The following SCMH1 variants were observed in gnomAD, a reference collection of about 807,000 sequenced individuals.
The protein encoded by SCMH1 is polycomb protein SCMH1.
Under a neutral mutation model 70.8 loss-of-function variants are expected in SCMH1, and 37 were observed. That is an observed-to-expected ratio of 0.52 (90% CI 0.40 to 0.69). The LOEUF (loss-of-function observed/expected upper bound fraction) is 0.69, where lower values mean the gene tolerates loss of function less well. Ranked by LOEUF, SCMH1 falls within the 30% of genes least tolerant of loss-of-function variation. The probability of loss-of-function intolerance (pLI) is 0.00; values close to 1 mark genes in which losing one functional copy is unlikely to be tolerated. For missense variants in SCMH1, 607 were observed against 827.3 expected, an observed-to-expected ratio of 0.73 and a Z score of 3.27; for synonymous variants, 292 against 307.4, an observed-to-expected ratio of 0.95 and a Z score of 0.52.
chr1:41,148,736 T>A (rs113281152), intron 5 of SCMH1, among the ~76,000 whole-genome samples: 12 of 152,262 alleles, frequency 7.9e-5, no homozygotes, highest in Admixed American at 2.0e-4. Context: ...TTTCTTCTAT[T>A]ATCTTTGGGA....
At chr1:41,170,641 A>G (rs1646727596) in intron 2 of SCMH1, among the ~76,000 whole-genome samples, 2 of 151,946 alleles carry the variant, frequency 1.3e-5, no homozygotes, top group African/African-American at 4.8e-5. Context: ...AATAAACAAA[A>G]CCTCATATCC....
chr1:41,057,999 G>A (rs972603563), intron 10 of SCMH1, among the ~76,000 whole-genome samples: 56 of 151,784 alleles, frequency 3.7e-4, no homozygotes, highest in African/African-American at 1.3e-3. Context: ...GCGTGCGCCT[G>A]TAGTCCCAGC....
intron 6 of SCMH1, among the ~76,000 whole-genome samples, chr1:41,128,643 A>G (rs1348113236): frequency 1.3e-5 from 2 of 151,912 alleles, no homozygotes; most frequent in Admixed American, 6.6e-5. Context: ...GGTTTATTTC[A>G]TATTTCTCCT....
intron 1 of SCMH1, among the ~76,000 whole-genome samples, chr1:41,194,241 G>GT (rs1360910540): frequency 5.9e-5 from 9 of 152,092 alleles, no homozygotes; most frequent in Admixed American, 5.9e-4. Context: ...CATTTGCTCT[G>GT]TTTTTTGTGA....
intron 1 of SCMH1, among the ~76,000 whole-genome samples, chr1:41,221,480 C>T (rs1659249851): frequency 6.7e-6 from 1 of 148,818 alleles, no homozygotes; most frequent in Admixed American, 6.7e-5. Context: ...TAGCAAGATA[C>T]CATTTCTACA....
intron 2 of SCMH1, among the ~76,000 whole-genome samples, chr1:41,167,440 C>T (rs1646482372): frequency 1.3e-5 from 2 of 152,106 alleles, no homozygotes; most frequent in South Asian, 4.1e-4. Context: ...TTGAAAAGGA[C>T]TGGTATTGGT....
At chr1:41,107,739 C>T (rs1004414215) in intron 8 of SCMH1, among the ~76,000 whole-genome samples, 3 of 152,102 alleles carry the variant, frequency 2.0e-5, no homozygotes, top group Non-Finnish European at 2.9e-5. Flanking sequence ...AGGATGGTCT[C>T]GATCTCTTGA....
intron 1 of SCMH1, among the ~76,000 whole-genome samples, chr1:41,190,953 C>A (rs190450105): frequency 6.6e-6 from 1 of 152,322 alleles, no homozygotes. Flanking sequence ...TAGTTCACTG[C>A]AGCCTCAAAC....
At chr1:41,122,998 T>C (rs1367509755) in intron 6 of SCMH1, among the ~76,000 whole-genome samples, 1 of 152,060 alleles carries the variant, frequency 6.6e-6, no homozygotes, top group Non-Finnish European at 1.5e-5. Context: ...CGCAGGAGGA[T>C]CACTTCAGCC....
At chr1:41,232,827 AAC>A (rs1302520486) in intron 1 of SCMH1, among the ~76,000 whole-genome samples, 1 of 152,228 alleles carries the variant, frequency 6.6e-6, no homozygotes, top group Non-Finnish European at 1.5e-5. Context: ...TAAACAAACA[AAC>A]ACAGAAGATG....
At chr1:41,116,334 T>G (rs213765) in intron 7 of SCMH1, among the ~76,000 whole-genome samples, 115,292 of 152,178 alleles carry the variant, frequency 0.76, 44,371 homozygotes, top group African/African-American at 0.89. Flanking sequence ...AAAATTCAAC[T>G]GATAGACTCA....
intron 8 of SCMH1, among the ~76,000 whole-genome samples, chr1:41,087,519 GA>G (rs145525916): frequency 6.2e-4 from 89 of 144,122 alleles, no homozygotes; most frequent in Middle Eastern, 7.1e-3. Context: ...ACCTGTAAAA[GA>G]AAAAAAAAAG....
chr1:41,056,828 A>AG (rs1339299398), intron 10 of SCMH1, among the ~76,000 whole-genome samples: 1 of 152,214 alleles, frequency 6.6e-6, no homozygotes, highest in Admixed American at 6.5e-5. Flanking sequence ...TTTTGCCTCC[A>AG]GGAGCTCAAC....
chr1:41,031,132 T>TA (rs1429870676), intron 13 of SCMH1, among the ~76,000 whole-genome samples: 1 of 151,762 alleles, frequency 6.6e-6, no homozygotes, highest in Non-Finnish European at 1.5e-5. Flanking sequence ...ACAAAACAAG[T>TA]AAAAAAATCA....
intron 10 of SCMH1, among the ~76,000 whole-genome samples, chr1:41,055,966 G>C (rs967046920): frequency 1.3e-5 from 2 of 152,196 alleles, no homozygotes; most frequent in African/African-American, 4.8e-5. Context: ...TGGAAAAAAT[G>C]TTAATAATCC....
At chr1:41,065,237 C>T (rs1654181451) in intron 10 of SCMH1, among the ~76,000 whole-genome samples, 1 of 152,044 alleles carries the variant, frequency 6.6e-6, no homozygotes, top group Non-Finnish European at 1.5e-5. Flanking sequence ...AATCCCAGCA[C>T]TTTGGGAGAT....
intron 2 of SCMH1, among the ~76,000 whole-genome samples, chr1:41,162,289 G>C (rs1010066986): frequency 6.6e-6 from 1 of 152,156 alleles, no homozygotes; most frequent in Non-Finnish European, 1.5e-5. Context: ...GCAAAGTCAG[G>C]GTGGAGTCTG....
chr1:41,034,171 G>A, intron 13 of SCMH1, 123 bp from the exon 14 acceptor site: 1 of 1,329,788 alleles, frequency 7.5e-7, no homozygotes, highest in Non-Finnish European at 1.0e-6. Context: ...GCCGAGGCTA[G>A]AATCAGCGCT....
At chr1:41,179,713 C>T (rs932563804) in intron 2 of SCMH1, among the ~76,000 whole-genome samples, 17 of 152,060 alleles carry the variant, frequency 1.1e-4, no homozygotes, top group East Asian at 3.8e-4. Context: ...GAAATTGAGG[C>T]GATAATTAAT....
Sources: allele counts gnomAD v4.1 joint callset (sites outside exome capture counted in the v4.1 genomes callset), GRCh38; gene constraint gnomAD v4.1.1; transcripts MANE v1.5; gene names NCBI Gene and HGNC (gene_info 2026-07-23, HGNC 2026-07-21).